MAGI3: variants seen among roughly 807,000 people sequenced by gnomAD.
The protein encoded by MAGI3 is membrane-associated guanylate kinase, WW and PDZ domain-containing protein 3.
In MAGI3, 43 loss-of-function variants were observed where a neutral mutation model predicts 121.8. The ratio of observed to expected loss-of-function variants is 0.35; its 90% CI spans 0.28 to 0.46. The LOEUF (loss-of-function observed/expected upper bound fraction) is 0.46. Among genes scored for constraint, MAGI3 ranks in the 20% least tolerant of loss-of-function variants. MAGI3 has a pLI of 1.00. For synonymous variants in MAGI3, 553 were observed against 639.3 expected (o/e 0.86, Z 2.04); for missense variants, 1,547 against 1,797.3 (o/e 0.86, Z 2.52).
At chr1:113,681,754 T>C (rs145572723) in intron 20 of MAGI3, among the ~76,000 whole-genome samples, 34 of 152,358 alleles carry the variant, frequency 2.2e-4, no homozygotes, top group African/African-American at 7.7e-4. Context: ...TATATTATAA[T>C]GAATGCGCAG....
At chr1:113,587,557 G>A (rs1648451968) in intron 4 of MAGI3, among the ~76,000 whole-genome samples, 1 of 152,156 alleles carries the variant, frequency 6.6e-6, no homozygotes, top group South Asian at 2.1e-4. Flanking sequence ...GTAGAAATGA[G>A]GAGAGGATAG....
chr1:113,636,838 T>G (rs1570976306), intron 9 of MAGI3, among the ~76,000 whole-genome samples: 1 of 152,040 alleles, frequency 6.6e-6, no homozygotes, highest in East Asian at 1.9e-4. Flanking sequence ...TGTTAAAGTC[T>G]CCCATTATTA....
chr1:113,439,684 G>T (rs1653816472), intron 1 of MAGI3, among the ~76,000 whole-genome samples: 2 of 151,914 alleles, frequency 1.3e-5, no homozygotes, highest in Non-Finnish European at 2.9e-5. Flanking sequence ...ACTAAAGTTT[G>T]AGTGTCTCTT....
chr1:113,605,808 G>A (rs978823226), intron 6 of MAGI3, among the ~76,000 whole-genome samples: 11 of 151,846 alleles, frequency 7.2e-5, no homozygotes, highest in African/African-American at 2.4e-4. Context: ...CCGTATTGGC[G>A]AGGCTGGTCT....
chr1:113,460,978 C>T (rs2101515842), intron 1 of MAGI3, among the ~76,000 whole-genome samples: 1 of 152,230 alleles, frequency 6.6e-6, no homozygotes, highest in Admixed American at 6.5e-5. Context: ...CAATCGAATT[C>T]CCAGTTGCCA....
chr1:113,405,793 C>G (rs1313737818), intron 1 of MAGI3, among the ~76,000 whole-genome samples: 1 of 152,074 alleles, frequency 6.6e-6, no homozygotes, highest in Non-Finnish European at 1.5e-5. Flanking sequence ...ATTGCTTCTC[C>G]CATGCTTCTC....
intron 6 of MAGI3, among the ~76,000 whole-genome samples, chr1:113,603,427 AAAG>A (rs1479626920): frequency 2.0e-5 from 3 of 152,204 alleles, no homozygotes; most frequent in Non-Finnish European, 4.4e-5. Context: ...CCAGACATTC[AAAG>A]AATAATTGGT....
chr1:113,455,015 C>G (rs1009461239), intron 1 of MAGI3, among the ~76,000 whole-genome samples: 4 of 151,754 alleles, frequency 2.6e-5, no homozygotes, highest in African/African-American at 9.7e-5. Flanking sequence ...AATGTGTGGT[C>G]CAGAATAGAT....
chr1:113,632,116 A>G (rs985939722), intron 9 of MAGI3, among the ~76,000 whole-genome samples: 1 of 152,216 alleles, frequency 6.6e-6, no homozygotes, highest in African/African-American at 2.4e-5. Flanking sequence ...ATGCTTTCCC[A>G]TTGAGGTAAC....
chr1:113,509,643 TTCTCTCCAG>T (rs1657517290), intron 1 of MAGI3, among the ~76,000 whole-genome samples: 1 of 119,834 alleles, frequency 8.3e-6, no homozygotes, highest in Admixed American at 9.6e-5. Context: ...CCAGAATATC[TTCTCTCCAG>T]ATTTAAAAAA....
intron 1 of MAGI3, among the ~76,000 whole-genome samples, chr1:113,524,291 C>T (rs756186315): frequency 1.1e-4 from 16 of 152,022 alleles, no homozygotes; most frequent in Non-Finnish European, 1.3e-4. Context: ...GGTGCTGCCT[C>T]GTGGAGATGT....
chr1:113,395,369 T>C (rs1442430507), intron 1 of MAGI3, among the ~76,000 whole-genome samples: 1 of 151,840 alleles, frequency 6.6e-6, no homozygotes, highest in East Asian at 1.9e-4. Context: ...GAAAATTTCC[T>C]ATTTCAAATT....
At chr1:113,575,472 T>C (rs1266832024) in intron 2 of MAGI3, among the ~76,000 whole-genome samples, 1 of 152,208 alleles carries the variant, frequency 6.6e-6, no homozygotes, top group Non-Finnish European at 1.5e-5. Flanking sequence ...TGCTGGAGTT[T>C]GCTAGAGGTC....
intron 1 of MAGI3, among the ~76,000 whole-genome samples, chr1:113,471,028 T>C (rs1311789035): frequency 6.6e-6 from 1 of 152,248 alleles, no homozygotes; most frequent in African/African-American, 2.4e-5. Flanking sequence ...CTGTGTTTTC[T>C]TCTGGTAATC....
intron 9 of MAGI3, among the ~76,000 whole-genome samples, chr1:113,623,569 AC>A (rs1651011657): frequency 6.6e-6 from 1 of 150,654 alleles, no homozygotes; most frequent in Admixed American, 6.6e-5. Context: ...CTCACTGCAA[AC>A]TCCGTCTCCC....
rs1373431830 is a variant in MAGI3, at chr1:113,685,892, A to G, written c.*1878A>G. On this transcript the variant is annotated 3_prime_UTR_variant, in exon 21 of 21. Transcript: ENST00000307546. ...TTAGAGAAAGATCTGTAAATTGCTC[A>G]TTATTTTTTATATAGATATTTAAAA... The G allele has an allele frequency of 1.3e-5, 2 of 152,194 alleles. No individual in the cohort carries two copies. Among genetic ancestry groups the G allele is most frequent in the Admixed American group, 6.5e-5 (1 of 15,270 alleles). The allele number at this position is 152,194 out of a possible 1,614,324, so 9.4% of individuals were successfully genotyped here. A position where few individuals can be genotyped will look rare whatever the true frequency, so the allele number is the denominator to read the frequency against.
At chr1:113,589,365 G>A (rs1191873499) in intron 4 of MAGI3, among the ~76,000 whole-genome samples, 1 of 152,116 alleles carries the variant, frequency 6.6e-6, no homozygotes, top group Non-Finnish European at 1.5e-5. Context: ...TGAATTTAAA[G>A]TAAACTTGTC....
intron 2 of MAGI3, among the ~76,000 whole-genome samples, chr1:113,574,124 A>C (rs1192813489): frequency 6.6e-6 from 1 of 152,216 alleles, no homozygotes; most frequent in East Asian, 1.9e-4. Flanking sequence ...ACAGCACACC[A>C]AAAGGTCTTG....
chr1:113,454,381 G>A (rs976230430), intron 1 of MAGI3, among the ~76,000 whole-genome samples: 2 of 152,080 alleles, frequency 1.3e-5, no homozygotes, highest in African/African-American at 4.8e-5. Flanking sequence ...TGACCTGTCC[G>A]TACATTTTAA....
Sources: allele counts gnomAD v4.1 joint callset (sites outside exome capture counted in the v4.1 genomes callset), GRCh38; gene constraint gnomAD v4.1.1; transcripts MANE v1.5; gene names NCBI Gene and HGNC (gene_info 2026-07-23, HGNC 2026-07-21).